The following RASGRF2 variants were observed in gnomAD, a reference collection of about 807,000 sequenced individuals.
The protein encoded by RASGRF2 is Ras protein specific guanine nucleotide releasing factor 2, also known as ras-specific guanine nucleotide-releasing factor 2.
Under a neutral mutation model 151.0 loss-of-function variants are expected in RASGRF2, and 76 were observed. The observed-to-expected ratio is 0.50, with a 90% CI of 0.42 to 0.61. RASGRF2 has a LOEUF of 0.61. Ranked by LOEUF, RASGRF2 falls within the 20% of genes least tolerant of loss-of-function variation. The pLI is 0.00. For missense variants in RASGRF2, 1,148 were observed against 1,564.6 expected (o/e 0.73, Z 4.49); for synonymous variants, 504 against 566.5 (o/e 0.89, Z 1.57).
At chr5:81,021,060 G>A (rs1749810054) in intron 1 of RASGRF2, among the ~76,000 whole-genome samples, 1 of 152,204 alleles carries the variant, frequency 6.6e-6, no homozygotes, top group Admixed American at 6.5e-5. Context: ...GCTTCTTTGG[G>A]GAGTGATATG....
chr5:81,181,752 C>G (rs138826027), intron 18 of RASGRF2, among the ~76,000 whole-genome samples: 2 of 152,276 alleles, frequency 1.3e-5, no homozygotes, highest in East Asian at 3.9e-4. Context: ...GTTCTCTCCC[C>G]TGGCCTCAGC....
chr5:81,204,855 A>G (rs6876160), intron 19 of RASGRF2, among the ~76,000 whole-genome samples: 67,826 of 152,062 alleles, frequency 0.45, 15,419 homozygotes, highest in Middle Eastern at 0.6. Flanking sequence ...GGGTAAGATC[A>G]TTGAGAAGAG....
At chr5:81,033,005 AG>A (rs1251571552) in intron 1 of RASGRF2, among the ~76,000 whole-genome samples, 2 of 152,144 alleles carry the variant, frequency 1.3e-5, no homozygotes, top group African/African-American at 2.4e-5. Flanking sequence ...CACCAATAAC[AG>A]GCAAACAGAG....
At chr5:81,029,010 C>A (rs904836617) in intron 1 of RASGRF2, among the ~76,000 whole-genome samples, 2 of 152,226 alleles carry the variant, frequency 1.3e-5, no homozygotes, top group African/African-American at 2.4e-5. Flanking sequence ...TATCCCACGC[C>A]TGGCTCGGAG....
At chr5:81,225,588 G>T in intron 26 of RASGRF2, 90 bp from the exon 27 acceptor site, 2 of 1,483,726 alleles carry the variant, frequency 1.3e-6, no homozygotes, top group East Asian at 2.6e-5. Flanking sequence ...TTGTTTAAGA[G>T]AAAATGTTGA....
At chr5:81,202,471 T>G (rs929673327) in intron 19 of RASGRF2, among the ~76,000 whole-genome samples, 2 of 152,212 alleles carry the variant, frequency 1.3e-5, no homozygotes, top group African/African-American at 4.8e-5. Flanking sequence ...GATGTTGGTT[T>G]GTGATGTGTT....
Position 81,070,497 on chromosome 5 carries a change from T to C in RASGRF2, c.549T>C (p.Ile183=), listed in dbSNP as rs61759868. The change falls in exon 4 of 27, where the codon ATT becomes ATC. Residue 183 remains isoleucine, a synonymous_variant. Coordinates refer to ENST00000265080, the MANE Select transcript of RASGRF2 (RefSeq NM_006909.3). The stretch of plus-strand genomic sequence containing the variant: ...GGACCAACTTTGTGTTCCAGATTAT[T>C]GCTCTTAATAAAACCAAAGAACGAA... ...TEIERLKSEI[I]ALNKTKERMR... 6.3e-7 allele frequency: 1 copy of C among 1,598,340 alleles called. No individual in the cohort carries two copies.
chr5:81,179,862 T>C (rs370218958), intron 17 of RASGRF2, among the ~76,000 whole-genome samples: 2 of 152,342 alleles, frequency 1.3e-5, no homozygotes, highest in South Asian at 2.1e-4. Flanking sequence ...TAAGATTCCT[T>C]CTTGGCTTTG....
At chr5:81,132,723 T>C (rs1753655085) in intron 17 of RASGRF2, among the ~76,000 whole-genome samples, 1 of 152,030 alleles carries the variant, frequency 6.6e-6, no homozygotes, top group African/African-American at 2.4e-5. Flanking sequence ...CAAGAATGGG[T>C]TTTGTGTTGC....
rs773403704 is a variant in RASGRF2, at chr5:81,113,911, A to C, written c.2461A>C (p.Ile821Leu). 3 of 1,612,670 alleles carry C rather than the reference A, an allele frequency of 1.9e-6. No individual in the cohort carries two copies. Among genetic ancestry groups the C allele is most frequent in the Non-Finnish European group, 2.5e-6 (3 of 1,179,080 alleles). The change falls in exon 15 of 27, where the codon ATT (isoleucine) becomes CTT (leucine). Residue 821 changes from isoleucine (I) to leucine (L), a missense_variant. Physicochemically the swap from Ile to Leu is conservative, Grantham distance 5. This residue lies in a region of RASGRF2 where 646 missense variants were observed against 807.4 expected (regional missense o/e 0.80). Coordinates refer to ENST00000265080, the MANE Select transcript of RASGRF2 (RefSeq NM_006909.3). ...VDLCNKLKRS[I>L]QKAVLESAPA... The stretch of plus-strand genomic sequence containing the variant: ...TCTGTGTAACAAGCTAAAACGAAGT[A>C]TTCAAAAAGGTATTATCTAGCACAT...
At chr5:80,965,398 ATTAC>A (rs979053010) in intron 1 of RASGRF2, among the ~76,000 whole-genome samples, 2 of 152,180 alleles carry the variant, frequency 1.3e-5, no homozygotes, top group Non-Finnish European at 1.5e-5. Context: ...AAAATAATTT[ATTAC>A]TTAAACTTTG....
chr5:81,089,795 A>G (rs990641001), intron 9 of RASGRF2, among the ~76,000 whole-genome samples: 1 of 152,320 alleles, frequency 6.6e-6, no homozygotes, highest in African/African-American at 2.4e-5. Flanking sequence ...AGTAGTAGCT[A>G]TCTTTTAGGA....
chr5:81,145,881 T>A (rs996521273), intron 17 of RASGRF2, among the ~76,000 whole-genome samples: 2 of 152,194 alleles, frequency 1.3e-5, no homozygotes, highest in African/African-American at 4.8e-5. Flanking sequence ...GGTGATTTGT[T>A]AGGTAGATAC....
intron 1 of RASGRF2, among the ~76,000 whole-genome samples, chr5:81,014,729 G>A (rs1749575166): frequency 6.6e-6 from 1 of 151,976 alleles, no homozygotes; most frequent in African/African-American, 2.4e-5. Flanking sequence ...ATATTCTTAG[G>A]GAGCATGATT....
chr5:81,167,526 A>C (rs1308423780), intron 17 of RASGRF2, among the ~76,000 whole-genome samples: 1 of 152,228 alleles, frequency 6.6e-6, no homozygotes, highest in Non-Finnish European at 1.5e-5. Flanking sequence ...TCTTAACTGC[A>C]GGGGTTTCAC....
intron 12 of RASGRF2, among the ~76,000 whole-genome samples, chr5:81,107,557 T>G (rs1346659703): frequency 6.6e-6 from 1 of 152,168 alleles, no homozygotes; most frequent in Non-Finnish European, 1.5e-5. Context: ...CCCTGCTAAT[T>G]TTGAGGCTCA....
chr5:81,011,939 A>G (rs1749476182), intron 1 of RASGRF2, among the ~76,000 whole-genome samples: 1 of 152,148 alleles, frequency 6.6e-6, no homozygotes, highest in Admixed American at 6.6e-5. Context: ...AAATTGCTCA[A>G]AATCTTGCTT....
chr5:81,211,701 A>G lies in RASGRF2; in HGVS notation c.3157-665A>G, dbSNP rs533706110. On this transcript the variant is annotated intron_variant, in intron 22 of 26. Transcript: ENST00000265080. ...CTATATTCCCTTTGTTAATACGGTA[A>G]TCTCATTTCACTTTTTTTTTCCTCT... Among the ~76,000 whole-genome samples, 358 of 152,240 alleles carry G rather than the reference A, an allele frequency of 2.4e-3. 1 individual carries two copies. The highest frequency in any genetic ancestry group is 8.3e-3 in the African/African-American group (345 of 41,548).
intron 1 of RASGRF2, among the ~76,000 whole-genome samples, chr5:81,026,044 TTCCATCCTTCCC>T (rs1413033309): frequency 3.9e-5 from 1 of 25,932 alleles, no homozygotes; most frequent in African/African-American, 3.1e-4. Flanking sequence ...CCCTCCTTCC[TTCCATCCTTCCC>T]TTCTTCTCCT....
Sources: gnomAD v4.1 joint callset for allele counts (sites outside exome capture counted in the v4.1 genomes callset) on GRCh38, gnomAD v4.1.1 for gene constraint, gnomAD v4.1.1 regional missense constraint, MANE v1.5 for transcripts, NCBI Gene and HGNC (gene_info 2026-07-23, HGNC 2026-07-21) for gene names.